The following PTPRK variants were observed in gnomAD, a reference collection of about 807,000 sequenced individuals.
PTPRK encodes receptor-type tyrosine-protein phosphatase kappa.
In PTPRK, 75 loss-of-function variants were observed where a neutral mutation model predicts 178.0. That is an observed-to-expected ratio of 0.42 (90% CI 0.35 to 0.51). The LOEUF (loss-of-function observed/expected upper bound fraction) is 0.51, where lower values mean the gene tolerates loss of function less well. PTPRK is among the 20% of genes least tolerant of loss of function. The probability of loss-of-function intolerance (pLI) is 0.02; values close to 1 mark genes in which losing one functional copy is unlikely to be tolerated. For synonymous variants in PTPRK, 637 were observed against 620.6 expected (o/e 1.03, Z -0.39); for missense variants, 1,441 against 1,797.8 (o/e 0.80, Z 3.59).
intron 5 of PTPRK, among the ~76,000 whole-genome samples, chr6:128,237,588 T>C (rs1392373903): frequency 2.6e-5 from 4 of 152,160 alleles, no homozygotes; most frequent in African/African-American, 7.2e-5. Flanking sequence ...TTAGTGTCTA[T>C]TCAGAATCTC....
intron 7 of PTPRK, among the ~76,000 whole-genome samples, chr6:128,112,983 C>T (rs1413314550): frequency 6.6e-6 from 1 of 152,100 alleles, no homozygotes. Context: ...AGTCATCCTG[C>T]ATATGATAGT....
intron 14 of PTPRK, chr6:128,005,946 A>G: frequency 9.0e-7 from 1 of 1,113,708 alleles, no homozygotes; most frequent in Non-Finnish European, 1.2e-6. Flanking sequence ...CCAAAATTGC[A>G]AGCATTCTGT....
intron 2 of PTPRK, among the ~76,000 whole-genome samples, chr6:128,328,958 A>G (rs934681597): frequency 6.6e-6 from 1 of 152,156 alleles, no homozygotes; most frequent in Non-Finnish European, 1.5e-5. Context: ...GTAGTATCAT[A>G]CATTATGTAA....
chr6:128,257,465 G>A (rs1182777066), intron 3 of PTPRK, among the ~76,000 whole-genome samples: 1 of 152,102 alleles, frequency 6.6e-6, no homozygotes, highest in Non-Finnish European at 1.5e-5. Flanking sequence ...ACCTAAACAT[G>A]TAATAGTATG....
intron 7 of PTPRK, among the ~76,000 whole-genome samples, chr6:128,150,378 T>C (rs147680992): frequency 1.3e-5 from 2 of 152,196 alleles, no homozygotes; most frequent in East Asian, 3.9e-4. Context: ...GGTATATAAC[T>C]CTACCATTGT....
intron 6 of PTPRK, among the ~76,000 whole-genome samples, chr6:128,209,995 C>CT (rs1807797217): frequency 6.6e-6 from 1 of 152,066 alleles, no homozygotes. Flanking sequence ...GGAGCATATT[C>CT]TGACTTACTG....
intron 7 of PTPRK, among the ~76,000 whole-genome samples, chr6:128,145,541 T>A (rs1411699699): frequency 6.6e-5 from 10 of 151,836 alleles, no homozygotes; most frequent in Non-Finnish European, 1.5e-4. Flanking sequence ...TACTCCCCCA[T>A]GAAAAAATAA....
chr6:128,033,218 G>A (rs899346899), intron 13 of PTPRK, among the ~76,000 whole-genome samples: 2 of 152,156 alleles, frequency 1.3e-5, no homozygotes, highest in Admixed American at 1.3e-4. Flanking sequence ...TTGGGGCCTG[G>A]CACAAACGAC....
intron 13 of PTPRK, among the ~76,000 whole-genome samples, chr6:128,042,013 C>T (rs1777262560): frequency 6.6e-6 from 1 of 151,960 alleles, no homozygotes; most frequent in Non-Finnish European, 1.5e-5. Flanking sequence ...CAGAACTGCA[C>T]AATTCAGCTA....
At chr6:128,058,197 T>C (rs1472866446) in intron 13 of PTPRK, among the ~76,000 whole-genome samples, 1 of 152,206 alleles carries the variant, frequency 6.6e-6, no homozygotes, top group South Asian at 2.1e-4. Flanking sequence ...AATGGAATTG[T>C]TGGGACATGG....
intron 2 of PTPRK, among the ~76,000 whole-genome samples, chr6:128,394,717 G>C (rs1014243836): frequency 6.6e-6 from 1 of 152,174 alleles, no homozygotes; most frequent in African/African-American, 2.4e-5. Flanking sequence ...TGTGTAGTAA[G>C]TAGTAAGTAG....
intron 4 of PTPRK, among the ~76,000 whole-genome samples, chr6:128,242,021 C>A (rs546738969): frequency 1.1e-4 from 16 of 150,180 alleles, no homozygotes; most frequent in Admixed American, 3.3e-4. Context: ...AAACTCCTGA[C>A]CTCATGAGTT....
chr6:127,997,300 C>T (rs996870944), intron 16 of PTPRK, among the ~76,000 whole-genome samples: 8 of 152,110 alleles, frequency 5.3e-5, no homozygotes, highest in East Asian at 1.9e-4. Context: ...CTTTTCAAAA[C>T]GTATTGAATG....
intron 8 of PTPRK, among the ~76,000 whole-genome samples, chr6:128,088,814 G>A (rs1030313058): frequency 6.6e-5 from 10 of 151,992 alleles, no homozygotes. Context: ...TTACTTGGAT[G>A]GCAACAAGAT....
intron 7 of PTPRK, among the ~76,000 whole-genome samples, chr6:128,097,229 G>T (rs1193698240): frequency 1.3e-5 from 2 of 152,038 alleles, no homozygotes; most frequent in Non-Finnish European, 2.9e-5. Flanking sequence ...TGACATGCTT[G>T]GACTCGAGGG....
intron 3 of PTPRK, among the ~76,000 whole-genome samples, chr6:128,273,269 T>C (rs1272514555): frequency 1.3e-4 from 20 of 151,886 alleles, no homozygotes; most frequent in Admixed American, 1.3e-3. Flanking sequence ...AATGATGAGT[T>C]AATGGGTGCA....
At chr6:128,139,443 G>A (rs1291177773) in intron 7 of PTPRK, among the ~76,000 whole-genome samples, 5 of 151,866 alleles carry the variant, frequency 3.3e-5, no homozygotes, top group African/African-American at 1.2e-4. Context: ...AGTTTAAAGG[G>A]CTCCTCTCTT....
At chr6:128,308,197 C>T (rs963186790) in intron 3 of PTPRK, among the ~76,000 whole-genome samples, 2 of 151,558 alleles carry the variant, frequency 1.3e-5, no homozygotes, top group African/African-American at 4.8e-5. Flanking sequence ...CATTTGTTAA[C>T]TGTATAAAAC....
At chr6:128,367,356 AG>A (rs1445453344) in intron 2 of PTPRK, among the ~76,000 whole-genome samples, 3 of 152,172 alleles carry the variant, frequency 2.0e-5, no homozygotes, top group Non-Finnish European at 4.4e-5. Flanking sequence ...CCAATATCAC[AG>A]GATTCTAGAA....
Sources: allele counts gnomAD v4.1 joint callset (sites outside exome capture counted in the v4.1 genomes callset), GRCh38; gene constraint gnomAD v4.1.1; transcripts MANE v1.5; gene names NCBI Gene and HGNC (gene_info 2026-07-23, HGNC 2026-07-21).